The following MAP3K13 variants were observed in gnomAD, a reference collection of about 807,000 sequenced individuals.
MAP3K13 encodes the protein leucine zipper-bearing kinase.
Under a neutral mutation model 104.0 loss-of-function variants are expected in MAP3K13, and 52 were observed. The observed-to-expected ratio is 0.50, with a 90% confidence interval of 0.40 to 0.63. The LOEUF (loss-of-function observed/expected upper bound fraction) is 0.63. MAP3K13 is among the 20% of genes least tolerant of loss of function. The pLI is 0.00. For synonymous variants in MAP3K13, 394 were observed against 442.2 expected (o/e 0.89, Z 1.37); for missense variants, 914 against 1,218.5 (o/e 0.75, Z 3.72).
chr3:185,294,790 G>A (rs755154918), intron 2 of MAP3K13, among the ~76,000 whole-genome samples: 1 of 152,182 alleles, frequency 6.6e-6, no homozygotes, highest in Admixed American at 6.5e-5. Flanking sequence ...AAGTTCAAGA[G>A]AGTAGTTAAG....
At chr3:185,308,175 C>G (rs1288196879) in intron 2 of MAP3K13, among the ~76,000 whole-genome samples, 2 of 152,070 alleles carry the variant, frequency 1.3e-5, no homozygotes, top group Non-Finnish European at 2.9e-5. Context: ...GATGTTAAGA[C>G]TCTCTTTAGC....
chr3:185,339,055 G>C (rs9868356), intron 2 of MAP3K13, among the ~76,000 whole-genome samples: 116,052 of 152,168 alleles, frequency 0.76, 44,997 homozygotes, highest in Middle Eastern at 0.84. Context: ...CGTGGTGGCT[G>C]ACACCTATAA....
At chr3:185,316,264 G>C (rs1721669550) in intron 2 of MAP3K13, among the ~76,000 whole-genome samples, 2 of 152,238 alleles carry the variant, frequency 1.3e-5, no homozygotes, top group East Asian at 3.9e-4. Context: ...TTTAAAGAAA[G>C]TGTTTGGGAA....
chr3:185,371,687 C>T (rs1278302159), intron 1 of MAP3K13, among the ~76,000 whole-genome samples: 1 of 152,130 alleles, frequency 6.6e-6, no homozygotes, highest in Non-Finnish European at 1.5e-5. Context: ...GAGAGCAGAG[C>T]CCAGGGAGAC....
chr3:185,313,202 G>A (rs1326947224), intron 2 of MAP3K13, among the ~76,000 whole-genome samples: 7 of 150,906 alleles, frequency 4.6e-5, no homozygotes, highest in Non-Finnish European at 1.0e-4. Context: ...AAAAAAAAGG[G>A]GAAAATGTAG....
chr3:185,347,466 T>A (rs1488980816), intron 2 of MAP3K13, among the ~76,000 whole-genome samples: 1 of 152,254 alleles, frequency 6.6e-6, no homozygotes, highest in Non-Finnish European at 1.5e-5. Context: ...AGGCCTGGAA[T>A]AATTAATAGT....
chr3:185,337,391 C>T (rs1175561990), intron 2 of MAP3K13, among the ~76,000 whole-genome samples: 1 of 152,230 alleles, frequency 6.6e-6, no homozygotes, highest in Non-Finnish European at 1.5e-5. Flanking sequence ...AGCCTTTTCT[C>T]TAATTTTCAA....
chr3:185,426,751 C>G (rs1714444305), intron 1 of MAP3K13, among the ~76,000 whole-genome samples: 2 of 152,152 alleles, frequency 1.3e-5, no homozygotes, highest in Non-Finnish European at 2.9e-5. Context: ...TACCTTCCCC[C>G]TCTTCCTTCA....
intron 2 of MAP3K13, among the ~76,000 whole-genome samples, chr3:185,338,126 C>G (rs74999665): frequency 6.6e-6 from 1 of 151,806 alleles, no homozygotes; most frequent in Non-Finnish European, 1.5e-5. Flanking sequence ...CCCAGGAGTT[C>G]GAGACCAGCC....
intron 2 of MAP3K13, among the ~76,000 whole-genome samples, chr3:185,333,001 G>C (rs1722339360): frequency 6.6e-6 from 1 of 152,110 alleles, no homozygotes; most frequent in Non-Finnish European, 1.5e-5. Flanking sequence ...TTTTATCATA[G>C]TTTTAATTTG....
intron 1 of MAP3K13, among the ~76,000 whole-genome samples, chr3:185,367,770 A>G (rs1006623749): frequency 6.6e-6 from 1 of 151,938 alleles, no homozygotes; most frequent in African/African-American, 2.4e-5. Context: ...TATTTCTTAA[A>G]TTTTTTATAG....
intron 5 of MAP3K13, 31 bp from the exon 6 acceptor site, chr3:185,449,869 T>C (rs1426167344): frequency 2.6e-6 from 4 of 1,551,488 alleles, no homozygotes; most frequent in Non-Finnish European, 3.5e-6. Flanking sequence ...TTCTGAAACA[T>C]CTTCTGTCCA....
At position 185,473,694 on chromosome 3, in the gene MAP3K13, C is replaced by T. The variant is rs1406094659; in HGVS notation, c.2363C>T (p.Ser788Leu). The T allele has an allele frequency of 6.2e-7, 1 of 1,614,106 alleles. No individual in the cohort carries two copies. The highest frequency in any genetic ancestry group is 8.5e-7 in the Non-Finnish European group (1 of 1,180,034). ...GAATTCAGCGGCTGTAGGTCTGAGTCATCCCTCGGCACCTCTCATCTCGGC... is the reference window on the plus strand; with the variant it reads ...GAATTCAGCGGCTGTAGGTCTGAGTTATCCCTCGGCACCTCTCATCTCGGC... ...ENEFSGCRSE[S>L]SLGTSHLGTP... The change falls in exon 11 of 14, where the codon TCA becomes TTA. Residue 788 changes from serine to leucine, a missense_variant. Ser to Leu is a moderately radical substitution (Grantham distance 145). Transcript: ENST00000265026. This position sits in a 1 kb window ranked among gnomAD's most constrained non-coding sequence, Gnocchi z 4.9.
chr3:185,309,177 G>A (rs150093543), intron 2 of MAP3K13, among the ~76,000 whole-genome samples: 1 of 152,022 alleles, frequency 6.6e-6, no homozygotes, highest in African/African-American at 2.4e-5. Context: ...TCTTTTAGGG[G>A]TACATAACTG....
intron 7 of MAP3K13, among the ~76,000 whole-genome samples, chr3:185,460,379 A>T (rs1345542234): frequency 6.6e-6 from 1 of 152,210 alleles, no homozygotes; most frequent in African/African-American, 2.4e-5. Context: ...GGACAGCAGG[A>T]GAGCAACGCT....
intron 1 of MAP3K13, among the ~76,000 whole-genome samples, chr3:185,384,337 T>TGTGTGTGA (rs754587735): frequency 6.6e-6 from 1 of 150,490 alleles, no homozygotes; most frequent in Admixed American, 6.7e-5. Flanking sequence ...TGTGTGTGTG[T>TGTGTGTGA]GAGACACATT....
intron 1 of MAP3K13, among the ~76,000 whole-genome samples, chr3:185,365,783 G>A (rs1294568048): frequency 2.0e-5 from 3 of 149,616 alleles, no homozygotes; most frequent in Non-Finnish European, 4.4e-5. Flanking sequence ...GGAAAATGCC[G>A]GAAATAAACT....
At chr3:185,380,965 T>G (rs1307740035) in intron 1 of MAP3K13, among the ~76,000 whole-genome samples, 15 of 151,760 alleles carry the variant, frequency 9.9e-5, no homozygotes, top group East Asian at 5.8e-4. Context: ...TTTTGTTTTT[T>G]TTTGTTTTTC....
rs1288315115 is a variant in MAP3K13 at position 185,418,166 on chromosome 3, T to G, written c.-85-10331T>G. The G allele has an allele frequency of 5.0e-6, 8 of 1,610,556 alleles. No individual in the cohort carries two copies. Among genetic ancestry groups the G allele is most frequent in the Non-Finnish European group, 6.8e-6 (8 of 1,178,418 alleles). On this transcript the variant is annotated intron_variant, in intron 1 of 13. Transcript: ENST00000265026. The surrounding 1 kb of genome is among the most constrained non-coding windows in gnomAD (Gnocchi z 4.5). ...TCATTATAGATGATGCACAGGCCCC[T>G]GCGCTGGATACGGCGACGGTTTCTC...
Sources: gnomAD v4.1 joint callset for allele counts (sites outside exome capture counted in the v4.1 genomes callset) on GRCh38, gnomAD v4.1.1 for gene constraint, Gnocchi (gnomAD v3.1) non-coding constraint, MANE v1.5 for transcripts, NCBI Gene and HGNC (gene_info 2026-07-23, HGNC 2026-07-21) for gene names.